ARMCX4: variants seen among roughly 807,000 people sequenced by gnomAD.
ARMCX4 encodes armadillo repeat containing X-linked 4.
Under a neutral mutation model 34.7 loss-of-function variants are expected in ARMCX4, and 3 were observed. That is an observed-to-expected ratio of 0.09 (90% confidence interval 0.04 to 0.22). ARMCX4 has a LOEUF of 0.22. Among genes scored for constraint, ARMCX4 ranks in the 10% least tolerant of loss-of-function variants. The probability of loss-of-function intolerance (pLI) is 1.00; values close to 1 mark genes in which losing one functional copy is unlikely to be tolerated. For missense variants in ARMCX4, 1,448 were observed against 1,720.8 expected, an observed-to-expected ratio of 0.84 and a Z score of 2.81; for synonymous variants, 513 against 632.8, an observed-to-expected ratio of 0.81 and a Z score of 2.84.
At chrX:101,475,767 G>A (rs1248295019) in intron 4 of ARMCX4, among the ~76,000 whole-genome samples, 1 of 111,297 alleles carries the variant, frequency 9.0e-6, no homozygotes, top group Non-Finnish European at 1.9e-5. Context: ...ACAGAAGGAC[G>A]CTTATTATTA....
chrX:101,477,481 A>G (rs1556004601), intron 4 of ARMCX4, among the ~76,000 whole-genome samples: 1 of 105,947 alleles, frequency 9.4e-6, no homozygotes, highest in Non-Finnish European at 1.9e-5. Context: ...CTGCTTAAAA[A>G]CAAACAACAA....
intron 2 of ARMCX4, among the ~76,000 whole-genome samples, chrX:101,486,461 G>T (rs1291771169): frequency 9.1e-6 from 1 of 110,483 alleles, no homozygotes; most frequent in East Asian, 2.8e-4. Flanking sequence ...CCTAGAGATA[G>T]GTTGAAAGGG....
intron 11 of ARMCX4, among the ~76,000 whole-genome samples, chrX:101,524,583 C>A (rs1216656393): frequency 1.8e-5 from 2 of 111,836 alleles, no homozygotes; most frequent in Non-Finnish European, 3.8e-5. Context: ...CAGATGGTAC[C>A]TGGAAAATCG....
chrX:101,459,267 AACGACT>A (rs1469199586), intron 4 of ARMCX4, among the ~76,000 whole-genome samples: 1 of 111,792 alleles, frequency 8.9e-6, no homozygotes, highest in Admixed American at 9.5e-5. Flanking sequence ...AGCGGGTTTG[AACGACT>A]ACCTTCAGAT....
In ARMCX4 at chrX:101,477,269, A is replaced by G. The variant is rs781985019; in HGVS notation, c.-472-8754A>G. On this transcript the variant is annotated intron_variant and NMD_transcript_variant, in intron 4 of 15. Transcript: ENST00000433011. ...AGCCTGGCCAACATGGTGAAACCTC[A>G]TCTCTACTAAAAATACAAAAATTAG... Among the ~76,000 whole-genome samples the G allele has an allele frequency of 6.5e-5, 7 of 107,024 alleles. No individual in the cohort carries two copies. In the Admixed American group the frequency reaches 7.1e-4, roughly 11 times the overall value. The allele number at this position is 107,024 out of a possible 115,157, so 92.9% of individuals were successfully genotyped here. A position where few individuals can be genotyped will look rare whatever the true frequency, so the allele number is the denominator to read the frequency against.
At chrX:101,512,852 G>A (rs1393071381) in intron 11 of ARMCX4, among the ~76,000 whole-genome samples, 2 of 47,977 alleles carry the variant, frequency 4.2e-5, no homozygotes, top group African/African-American at 1.7e-4. Flanking sequence ...GTATATATGT[G>A]TATATATGTA....
chrX:101,491,165 G>C lies in ARMCX4; in HGVS notation c.2576G>C (p.Gly859Ala), dbSNP rs1374106946. Residue 859 changes from glycine (G) to alanine (A), a missense_variant, in exon 6 of 6, where the codon GGG becomes GCG. This residue lies in a region of ARMCX4 where 1,343 missense variants were observed against 1,540.7 expected (regional missense o/e 0.87). Transcript: ENST00000423738. ...KGNPNVVSKA[G>A]AREDTVGSTQ... Reference sequence around the variant, plus strand: ...AATCCCAATGTCGTGTCTAAGGCAGGGGCCAGAGAAGATACAGTGGGCTCT... The same window carrying C: ...AATCCCAATGTCGTGTCTAAGGCAGCGGCCAGAGAAGATACAGTGGGCTCT... 5.2e-6 allele frequency: 6 copies of C among 1,153,887 alleles called. No individual in the cohort carries two copies. The African/African-American group carries it at 1.1e-4, about 21-fold the overall frequency.
At chrX:101,428,919 G>A (rs1375925713) in intron 2 of ARMCX4, among the ~76,000 whole-genome samples, 1 of 102,447 alleles carries the variant, frequency 9.8e-6, no homozygotes, top group Non-Finnish European at 2.0e-5. Context: ...TCACCCAGGC[G>A]GGAGTGCAGT....
chrX:101,511,694 T>C (rs1257258278), intron 11 of ARMCX4, among the ~76,000 whole-genome samples: 1 of 110,570 alleles, frequency 9.0e-6, no homozygotes, highest in Non-Finnish European at 1.9e-5. Flanking sequence ...GGCGTGATCA[T>C]AGTTTGCTGT....
At chrX:101,527,290 C>T (rs1556020841) in intron 11 of ARMCX4, among the ~76,000 whole-genome samples, 2 of 111,552 alleles carry the variant, frequency 1.8e-5, no homozygotes. Flanking sequence ...CCAATGAGAA[C>T]AAAGACACAA....
chrX:101,456,557 C>A (rs1416680204), intron 4 of ARMCX4, among the ~76,000 whole-genome samples: 2 of 111,019 alleles, frequency 1.8e-5, no homozygotes, highest in African/African-American at 6.5e-5. Context: ...ATATGTACTT[C>A]TTTTTATTGT....
chrX:101,523,685 C>A (rs1934902430), intron 11 of ARMCX4, among the ~76,000 whole-genome samples: 4 of 111,460 alleles, frequency 3.6e-5, no homozygotes, highest in Admixed American at 2.9e-4. Flanking sequence ...GCAGGTGGTT[C>A]AGTATTCAGG....
At chrX:101,487,157 A>G (rs1217498307) in intron 2 of ARMCX4, 36 bp from the exon 3 acceptor site, 2 of 107,290 alleles carry the variant, frequency 1.9e-5, no homozygotes, top group Non-Finnish European at 3.8e-5. Context: ...CAAGTACTTA[A>G]CATCCACTCT....
In ARMCX4 at chrX:101,431,228, G is replaced by T. The variant is rs73561164; in HGVS notation, n.164+12228G>T. 2.0e-3 allele frequency among the ~76,000 whole-genome samples: 228 copies of T among 111,987 alleles called. 1 individual carries two copies. The highest frequency in any genetic ancestry group is 6.8e-3 in the African/African-American group (210 of 30,857). ...CTTGGGAAGGTCATACTTCAAAGTG[G>T]AACTCTGCCATTTCAGAGGGGCTTT... is the stretch of plus-strand genomic sequence containing the variant. On this transcript the variant is annotated intron_variant and non_coding_transcript_variant, in intron 2 of 3. Transcript: ENST00000430461.
intron 2 of ARMCX4, among the ~76,000 whole-genome samples, chrX:101,432,342 C>G (rs1930090111): frequency 9.0e-6 from 1 of 111,372 alleles, no homozygotes; most frequent in African/African-American, 3.3e-5. Flanking sequence ...TGAATCACAT[C>G]CTCCAAGACA....
At chrX:101,511,977 C>T (rs781993365) in intron 11 of ARMCX4, among the ~76,000 whole-genome samples, 2 of 110,616 alleles carry the variant, frequency 1.8e-5, no homozygotes, top group Non-Finnish European at 3.8e-5. Context: ...AAGTTCAGAC[C>T]TTTTCTGGTT....
downstream of ARMCX4, among the ~76,000 whole-genome samples, chrX:101,449,497 C>G (rs1225813385): frequency 8.9e-6 from 1 of 112,064 alleles, no homozygotes; most frequent in Non-Finnish European, 1.9e-5. Flanking sequence ...TTAAGGGACT[C>G]TGATGTATTC....
At chrX:101,454,260 T>C (rs1040131821) in intron 4 of ARMCX4, among the ~76,000 whole-genome samples, 20 of 108,986 alleles carry the variant, frequency 1.8e-4, no homozygotes, top group Admixed American at 5.9e-4. Flanking sequence ...ACTTCCATCA[T>C]GGCCAATTTC....
chrX:101,469,890 C>A (rs916627657), intron 4 of ARMCX4, among the ~76,000 whole-genome samples: 3 of 111,416 alleles, frequency 2.7e-5, no homozygotes, highest in Non-Finnish European at 5.7e-5. Flanking sequence ...CTGGAAGTTA[C>A]CACCCCTTTT....
Sources: gnomAD v4.1 joint callset for allele counts (sites outside exome capture counted in the v4.1 genomes callset) on GRCh38, gnomAD v4.1.1 for gene constraint, gnomAD v4.1.1 regional missense constraint, MANE v1.5 for transcripts, NCBI Gene and HGNC (gene_info 2026-07-23, HGNC 2026-07-21) for gene names.